MTNR1B: variants seen among roughly 807,000 people sequenced by gnomAD.
MTNR1B encodes melatonin receptor type 1B.
A neutral mutation model predicts 7.0 loss-of-function variants in MTNR1B; 7 were observed. That is an observed-to-expected ratio of 1.00 (90% confidence interval 0.57 to 1.88). The LOEUF is 1.88. Ranked by LOEUF, MTNR1B falls within the 40% of genes most tolerant of loss-of-function variation. MTNR1B has a pLI of 0.00. For missense variants in MTNR1B, 478 were observed against 486.5 expected (o/e 0.98, Z 0.16); for synonymous variants, 226 against 208.2 (o/e 1.09, Z -0.74).
At chr11:92,984,813 G>C (rs923968113), downstream of MTNR1B, 5 of 443,482 alleles carry the variant, frequency 1.1e-5, no homozygotes, top group Non-Finnish European at 2.2e-5. Flanking sequence ...ATAGGTTTTT[G>C]GTGATAAACC....
Position 92,982,412 on chromosome 11 carries a change from C to T in MTNR1B, c.*100C>T. 7.2e-7 allele frequency: 1 copy of T among 1,388,100 alleles called. No individual in the cohort carries two copies. Among genetic ancestry groups the T allele is most frequent in the African/African-American group, 1.5e-5 (1 of 68,816 alleles). The allele number at this position is 1,388,100 out of a possible 1,614,324, so 86.0% of individuals were successfully genotyped here. A position where few individuals can be genotyped will look rare whatever the true frequency, so the allele number is the denominator to read the frequency against. On this transcript the variant is annotated 3_prime_UTR_variant, in exon 2 of 2. Coordinates refer to ENST00000257068, the MANE Select transcript of MTNR1B (RefSeq NM_005959.5). ...CAGGCAGCCTGCTGGGCCACACTGT[C>T]CTGTTGGCATCACAGCCCCAAGGCT...
chr11:92,972,647 G>A, intron 1 of MTNR1B: 1 of 423,822 alleles, frequency 2.4e-6, no homozygotes, highest in Non-Finnish European at 4.7e-6. Flanking sequence ...CACAGCCCAT[G>A]GCACTGGGTT....
At position 92,981,789 on chromosome 11, in the gene MTNR1B, C is replaced by T. The variant is rs753927032; in HGVS notation, c.566C>T (p.Ser189Phe). 8 of 1,614,072 alleles carry T rather than the reference C, an allele frequency of 5.0e-6. No individual in the cohort carries two copies. The African/African-American group carries it at 1.1e-4, about 22-fold the overall frequency. Residue 189 changes from serine to phenylalanine, a missense_variant, in exon 2 of 2, where the codon TCC becomes TTC. By Grantham distance (155) the Ser-to-Phe change is radical (BLOSUM62 -2). Transcript: ENST00000257068. ...GSLEYDPRIY[S>F]CTFIQTASTQ... ...CTGGAGTACGACCCACGCATCTATT[C>T]CTGCACCTTCATCCAGACCGCCAGC...
At chr11:92,978,626 T>G (rs1858048050) in intron 1 of MTNR1B, among the ~76,000 whole-genome samples, 1 of 152,210 alleles carries the variant, frequency 6.6e-6, no homozygotes, top group African/African-American at 2.4e-5. Flanking sequence ...ACAAATTTTA[T>G]TCATCTAATT....
intron 1 of MTNR1B, chr11:92,972,584 C>T (rs1857948775): frequency 2.2e-6 from 1 of 455,236 alleles, no homozygotes; most frequent in South Asian, 1.6e-5. Context: ...ACCGACCCAA[C>T]TTAAAAGGTA....
At chr11:92,981,373 G>C in intron 1 of MTNR1B, 74 bp from the exon 2 acceptor site, 1 of 1,529,654 alleles carries the variant, frequency 6.5e-7, no homozygotes, top group Non-Finnish European at 8.8e-7. Context: ...AAGTAACTTC[G>C]TGGAGGGTAG....
At chr11:92,973,107 C>T (rs1198118048) in intron 1 of MTNR1B, among the ~76,000 whole-genome samples, 4 of 152,168 alleles carry the variant, frequency 2.6e-5, no homozygotes, top group African/African-American at 4.8e-5. Context: ...TTCATTCCCT[C>T]GGCTAACCTG....
chr11:92,977,867 C>CTGT (rs1406777401), intron 1 of MTNR1B, among the ~76,000 whole-genome samples: 2 of 152,218 alleles, frequency 1.3e-5, no homozygotes, highest in African/African-American at 4.8e-5. Context: ...AAGTTTAACA[C>CTGT]TGTTAGAAAA....
At position 92,981,790 on chromosome 11, in the gene MTNR1B, C is replaced by T. The variant is rs755053524; in HGVS notation, c.567C>T (p.Ser189=). ...TGGAGTACGACCCACGCATCTATTC[C>T]TGCACCTTCATCCAGACCGCCAGCA... ...GSLEYDPRIY[S]CTFIQTASTQ... The change falls in exon 2 of 2, where the codon TCC becomes TCT. Residue 189 remains serine, a synonymous_variant. Coordinates refer to ENST00000257068, the MANE Select transcript of MTNR1B (RefSeq NM_005959.5). The T allele has an allele frequency of 4.3e-6, 7 of 1,614,206 alleles. No homozygotes were observed. The highest frequency in any genetic ancestry group is 5.9e-6 in the Non-Finnish European group (7 of 1,180,048).
chr11:92,972,720 A>T, intron 1 of MTNR1B: 1 of 357,514 alleles, frequency 2.8e-6, no homozygotes, highest in South Asian at 2.1e-5. Context: ...CTCTACTGAG[A>T]GCCGTTGAGA....
At chr11:92,980,029 G>C (rs1423873354) in intron 1 of MTNR1B, among the ~76,000 whole-genome samples, 2 of 152,166 alleles carry the variant, frequency 1.3e-5, no homozygotes, top group Admixed American at 6.5e-5. Context: ...ACAGAGCCTG[G>C]CCTCTCCAAT....
At position 92,981,966 on chromosome 11, in the gene MTNR1B, G is replaced by A. The variant is rs150751119; in HGVS notation, c.743G>A (p.Arg248Gln). ...CTGTGCCTGAAGCCCAGCGACTTGCGGAGCTTTCTAACCATGTTTGTGGTG... is the reference window on the plus strand; with the variant it reads ...CTGTGCCTGAAGCCCAGCGACTTGCAGAGCTTTCTAACCATGTTTGTGGTG... ...SRLCLKPSDL[R>Q]SFLTMFVVFV... Residue 248 changes from arginine (R) to glutamine (Q), a missense_variant, in exon 2 of 2, where the codon CGG (arginine) becomes CAG (glutamine). Arg to Gln is a conservative substitution (Grantham distance 43). Transcript: ENST00000257068. 77 of 1,614,098 alleles carry A rather than the reference G, an allele frequency of 4.8e-5. No homozygotes were observed. Among genetic ancestry groups the A allele is most frequent in the Middle Eastern group, 1.6e-4 (1 of 6,084 alleles).
intron 1 of MTNR1B, among the ~76,000 whole-genome samples, chr11:92,977,768 C>T (rs1005288041): frequency 2.0e-5 from 3 of 152,230 alleles, no homozygotes; most frequent in Non-Finnish European, 4.4e-5. Flanking sequence ...TCATCCATCA[C>T]TGCGTCTTAC....
At chr11:92,977,729 G>T (rs1858032286) in intron 1 of MTNR1B, among the ~76,000 whole-genome samples, 1 of 152,170 alleles carries the variant, frequency 6.6e-6, no homozygotes, top group South Asian at 2.1e-4. Context: ...ACAGTTCCAT[G>T]GGCATCTCAA....
chr11:92,972,647 G>T (rs1160249719), intron 1 of MTNR1B: 1 of 423,704 alleles, frequency 2.4e-6, no homozygotes, highest in Non-Finnish European at 4.7e-6. Flanking sequence ...CACAGCCCAT[G>T]GCACTGGGTT....
chr11:92,971,209 C>T (rs1242704322), intron 1 of MTNR1B, among the ~76,000 whole-genome samples: 1 of 152,140 alleles, frequency 6.6e-6, no homozygotes, highest in Non-Finnish European at 1.5e-5. Flanking sequence ...GATCCACCCG[C>T]CTCGGCCTCC....
Position 92,969,739 on chromosome 11 carries a change from G to T in MTNR1B, c.14G>T (p.Gly5Val). The change falls in exon 1 of 2, where the codon GGC (glycine) becomes GTC (valine). Residue 5 changes from glycine (G) to valine (V), a missense_variant. Gly to Val is a moderately radical substitution (Grantham distance 109). Transcript: ENST00000257068. MSEN[G>V]SFANCCEAGG... ...GGAGAGTCTGCGATGTCAGAGAACG[G>T]CTCCTTCGCCAACTGCTGCGAGGCG... 1 of 1,487,782 alleles carries T rather than the reference G, an allele frequency of 6.7e-7. No homozygotes were observed. The allele number at this position is 1,487,782 out of a possible 1,614,324, so 92.2% of individuals were successfully genotyped here.
intron 1 of MTNR1B, among the ~76,000 whole-genome samples, chr11:92,980,565 T>G (rs900527232): frequency 2.0e-5 from 3 of 152,212 alleles, no homozygotes; most frequent in Non-Finnish European, 4.4e-5. Flanking sequence ...CTGAAGCATA[T>G]TAATTGATGG....
chr11:92,976,008 T>G (rs1253732503), intron 1 of MTNR1B, among the ~76,000 whole-genome samples: 1 of 152,244 alleles, frequency 6.6e-6, no homozygotes, highest in Non-Finnish European at 1.5e-5. Context: ...TATTGCCTCT[T>G]CACTGAGCAA....
Sources: allele counts gnomAD v4.1 joint callset (sites outside exome capture counted in the v4.1 genomes callset), GRCh38; gene constraint gnomAD v4.1.1; transcripts MANE v1.5; gene names NCBI Gene and HGNC (gene_info 2026-07-23, HGNC 2026-07-21).